Variants in PDE3A observed in about 807,000 individuals in gnomAD.
PDE3A encodes the protein cGMP-inhibited 3',5'-cyclic phosphodiesterase 3A.
PDE3A carries 43 observed loss-of-function variants against 98.3 expected under a neutral mutation model. The ratio of observed to expected loss-of-function variants is 0.44; its 90% CI spans 0.34 to 0.56. The LOEUF is 0.56. Among genes scored for constraint, PDE3A ranks in the 20% least tolerant of loss-of-function variants. The probability of loss-of-function intolerance (pLI) is 0.01; values close to 1 mark genes in which losing one functional copy is unlikely to be tolerated. For synonymous variants in PDE3A, 663 were observed against 567.9 expected, an observed-to-expected ratio of 1.17 and a Z score of -2.38; for missense variants, 1,427 against 1,440.7, an observed-to-expected ratio of 0.99 and a Z score of 0.15.
Position 20,685,313 on chromosome 12 carries a change from G to A in PDE3A, c.*5042G>A, listed in dbSNP as rs182871035. Among the ~76,000 whole-genome samples, 215 of 149,170 alleles carry A rather than the reference G, an allele frequency of 1.4e-3. No homozygotes were observed. The highest frequency in any genetic ancestry group is 5.2e-3 in the African/African-American group (209 of 40,396). ...TGTAATCCCAGCTACCCAGGAGGCT[G>A]AGGCAGAATCGCTTGAACCTGGGAG... On this transcript the variant is annotated 3_prime_UTR_variant, in exon 16 of 16. Coordinates refer to ENST00000359062, the MANE Select transcript of PDE3A (RefSeq NM_000921.5).
chr12:20,608,991 C>T (rs1185152446), intron 2 of PDE3A, among the ~76,000 whole-genome samples: 2 of 151,964 alleles, frequency 1.3e-5, no homozygotes, highest in Admixed American at 1.3e-4. Flanking sequence ...ATAAACATTA[C>T]TATTTCAGAG....
chr12:20,605,308 C>T (rs1943685158), intron 2 of PDE3A, among the ~76,000 whole-genome samples: 1 of 152,122 alleles, frequency 6.6e-6, no homozygotes, highest in East Asian at 1.9e-4. Flanking sequence ...ACTCAGTGTA[C>T]ACTAGGCAAT....
chr12:20,584,386 C>T (rs575476469), intron 2 of PDE3A, among the ~76,000 whole-genome samples: 71 of 152,190 alleles, frequency 4.7e-4, no homozygotes, highest in African/African-American at 1.6e-3. Context: ...AGATGTAGAA[C>T]ATTAAATGAA....
intron 1 of PDE3A, among the ~76,000 whole-genome samples, chr12:20,388,898 A>T (rs2120595750): frequency 6.6e-6 from 1 of 152,156 alleles, no homozygotes; most frequent in South Asian, 2.1e-4. Flanking sequence ...ATTTTTTAAA[A>T]TGGTGCCACA....
At chr12:20,531,956 T>A (rs80051402) in intron 1 of PDE3A, among the ~76,000 whole-genome samples, 10 of 143,300 alleles carry the variant, frequency 7.0e-5, no homozygotes, top group South Asian at 2.3e-4. Context: ...TTTTTTTTTT[T>A]AATATATCTT....
Position 20,567,373 on chromosome 12 carries a change from G to T in PDE3A, c.1011+10663G>T, listed in dbSNP as rs536172106. 2.0e-5 allele frequency among the ~76,000 whole-genome samples: 3 copies of T among 151,930 alleles called. No homozygotes were observed. In the South Asian group the frequency reaches 6.2e-4, roughly 31 times the overall value. The stretch of plus-strand genomic sequence containing the variant: ...CCAAGAAGCCTTTTGTTTTATTTAT[G>T]CTATTCCCCTGCTTTCAGGCTTTTC... On this transcript the variant is annotated intron_variant, in intron 2 of 15. Transcript: ENST00000359062.
intron 2 of PDE3A, among the ~76,000 whole-genome samples, chr12:20,575,154 G>T (rs977151618): frequency 6.6e-6 from 1 of 151,958 alleles, no homozygotes; most frequent in Admixed American, 6.6e-5. Flanking sequence ...AATTTTCAGT[G>T]GGAATAGTAA....
At chr12:20,557,602 C>T (rs866693293) in intron 2 of PDE3A, among the ~76,000 whole-genome samples, 1 of 152,138 alleles carries the variant, frequency 6.6e-6, no homozygotes, top group African/African-American at 2.4e-5. Flanking sequence ...GGGGGCTTCT[C>T]CCAAGTGTTT....
At chr12:20,518,274 T>G (rs1342335697) in intron 1 of PDE3A, among the ~76,000 whole-genome samples, 1 of 152,134 alleles carries the variant, frequency 6.6e-6, no homozygotes, top group Non-Finnish European at 1.5e-5. Flanking sequence ...CATGAATATA[T>G]AAAGACTAAG....
intron 1 of PDE3A, among the ~76,000 whole-genome samples, chr12:20,472,438 G>A (rs760616563): frequency 1.3e-5 from 2 of 152,100 alleles, no homozygotes; most frequent in Non-Finnish European, 2.9e-5. Context: ...CCAGTCAGTA[G>A]GAGATTCTAG....
chr12:20,486,984 TAG>T (rs756530793), intron 1 of PDE3A, among the ~76,000 whole-genome samples: 10 of 152,220 alleles, frequency 6.6e-5, no homozygotes, highest in Non-Finnish European at 1.5e-4. Context: ...GAGATACGTG[TAG>T]AGACTTTCAA....
intron 1 of PDE3A, among the ~76,000 whole-genome samples, chr12:20,430,533 C>G (rs1441616491): frequency 6.6e-6 from 1 of 152,036 alleles, no homozygotes; most frequent in African/African-American, 2.4e-5. Context: ...ATGAATTACT[C>G]AATTTTTAAT....
intron 1 of PDE3A, among the ~76,000 whole-genome samples, chr12:20,443,111 A>G (rs761226646): frequency 1.3e-5 from 2 of 152,054 alleles, no homozygotes; most frequent in East Asian, 1.9e-4. Context: ...TACATATACA[A>G]ATGTAAATAT....
intron 2 of PDE3A, among the ~76,000 whole-genome samples, chr12:20,567,484 A>C (rs535116693): frequency 6.6e-6 from 1 of 152,118 alleles, no homozygotes; most frequent in South Asian, 2.1e-4. Flanking sequence ...TATTACTTTG[A>C]CTGTAAACTG....
intron 13 of PDE3A, 121 bp downstream of exon 13, chr12:20,649,012 G>A: frequency 1.6e-6 from 1 of 630,942 alleles, no homozygotes; most frequent in Non-Finnish European, 2.7e-6. Flanking sequence ...TGCAGCCTCT[G>A]CCTCCTGGGT....
chr12:20,662,627 G>A (rs112359688), intron 15 of PDE3A, among the ~76,000 whole-genome samples: 10 of 152,304 alleles, frequency 6.6e-5, no homozygotes, highest in African/African-American at 2.2e-4. Flanking sequence ...TCTGGCCGAA[G>A]AAATCTCTAA....
At position 20,592,621 on chromosome 12, in the gene PDE3A, T is replaced by G. The variant is rs996395547; in HGVS notation, c.1012-20822T>G. ...AAGCAGCGGGCCTGTAGTCAGGGAC[T>G]GCTGAAAATGAGGGAGAGCATCAGG... On this transcript the variant is annotated intron_variant, in intron 2 of 15. Transcript: ENST00000359062. 2.2e-4 allele frequency among the ~76,000 whole-genome samples: 34 copies of G among 152,216 alleles called. 1 individual carries two copies. Among genetic ancestry groups the G allele is most frequent in the Non-Finnish European group, 1.0e-4 (7 of 68,040 alleles).
At chr12:20,542,174 T>C (rs942587099) in intron 1 of PDE3A, among the ~76,000 whole-genome samples, 2 of 152,060 alleles carry the variant, frequency 1.3e-5, no homozygotes, top group Admixed American at 6.6e-5. Context: ...GAAAACTTCA[T>C]TGAATGAAAT....
At chr12:20,643,624 ATT>A (rs11304789) in intron 10 of PDE3A, among the ~76,000 whole-genome samples, 34 of 151,650 alleles carry the variant, frequency 2.2e-4, no homozygotes, top group East Asian at 3.9e-4. Context: ...TTGGTTAGTG[ATT>A]TTTTTTTTAT....
Sources: gnomAD v4.1 joint callset for allele counts (sites outside exome capture counted in the v4.1 genomes callset) on GRCh38, gnomAD v4.1.1 for gene constraint, MANE v1.5 for transcripts, NCBI Gene and HGNC (gene_info 2026-07-23, HGNC 2026-07-21) for gene names.